The following FIG4 variants were observed in gnomAD, a reference collection of about 807,000 sequenced individuals.
The protein encoded by FIG4 is polyphosphoinositide phosphatase.
In FIG4, 112 loss-of-function variants were observed where a neutral mutation model predicts 118.6. The ratio of observed to expected loss-of-function variants is 0.94; its 90% CI spans 0.81 to 1.11. FIG4 has a LOEUF of 1.11. FIG4 is among the 50% of genes least tolerant of loss of function. The probability of loss-of-function intolerance (pLI) is 0.00; values close to 1 mark genes in which losing one functional copy is unlikely to be tolerated. For synonymous variants in FIG4, 369 were observed against 381.2 expected, an observed-to-expected ratio of 0.97 and a Z score of 0.37; for missense variants, 969 against 1,111.7, an observed-to-expected ratio of 0.87 and a Z score of 1.83.
At chr6:109,796,428 G>A (rs1475386279) in intron 21 of FIG4, among the ~76,000 whole-genome samples, 1 of 152,178 alleles carries the variant, frequency 6.6e-6, no homozygotes, top group Admixed American at 6.5e-5. Flanking sequence ...ACCCTTAGAT[G>A]TGTGAGGCTC....
intron 1 of FIG4, among the ~76,000 whole-genome samples, chr6:109,698,177 C>T (rs1443823083): frequency 4.6e-5 from 7 of 151,442 alleles, no homozygotes; most frequent in Admixed American, 1.3e-4. Flanking sequence ...CTTGAGCCAC[C>T]GTGCCTGGCC....
intron 15 of FIG4, among the ~76,000 whole-genome samples, chr6:109,770,760 G>A (rs1437641643): frequency 6.6e-6 from 1 of 152,136 alleles, no homozygotes; most frequent in African/African-American, 2.4e-5. Flanking sequence ...CGCAAGGAGT[G>A]CATCAACCCA....
Position 109,776,909 on chromosome 6 carries a change from T to G in FIG4, c.1751-13T>G, listed in dbSNP as rs1354739212. On this transcript the variant is annotated splice_polypyrimidine_tract_variant and intron_variant, in intron 15 of 22. Coordinates refer to ENST00000230124, the MANE Select transcript of FIG4 (RefSeq NM_014845.6). ...AGTAATGGATTTTCTGAAATATATATTTTGCTTTTTAGATGCCGATAGACA... is the reference window on the plus strand; with the variant it reads ...AGTAATGGATTTTCTGAAATATATAGTTTGCTTTTTAGATGCCGATAGACA... The G allele has an allele frequency of 6.2e-7, 1 of 1,605,460 alleles. No homozygotes were observed. Among genetic ancestry groups the G allele is most frequent in the East Asian group, 2.2e-5 (1 of 44,748 alleles).
At chr6:109,702,995 T>A (rs1176383596) in intron 1 of FIG4, among the ~76,000 whole-genome samples, 1 of 152,168 alleles carries the variant, frequency 6.6e-6, no homozygotes. Context: ...TATGACAGTT[T>A]CCCTGTTTTC....
chr6:109,714,764 A>G (rs989020250), intron 1 of FIG4, among the ~76,000 whole-genome samples: 3 of 152,228 alleles, frequency 2.0e-5, no homozygotes, highest in Non-Finnish European at 4.4e-5. Flanking sequence ...TTCCTGGTAA[A>G]GCTTAAACAT....
chr6:109,787,359 C>T (rs72944969), intron 18 of FIG4, among the ~76,000 whole-genome samples: 10,770 of 151,958 alleles, frequency 0.071, 426 homozygotes, highest in South Asian at 0.15. Flanking sequence ...GTTTTGTTTC[C>T]TAGAAATCAC....
intron 22 of FIG4, among the ~76,000 whole-genome samples, chr6:109,815,822 C>T (rs1396996106): frequency 6.6e-6 from 1 of 151,206 alleles, no homozygotes; most frequent in Non-Finnish European, 1.5e-5. Flanking sequence ...ACAATAAAAA[C>T]AGGGAGCAAC....
At chr6:109,740,825 A>G (rs1378508846) in intron 7 of FIG4, among the ~76,000 whole-genome samples, 2 of 152,154 alleles carry the variant, frequency 1.3e-5, no homozygotes, top group African/African-American at 2.4e-5. Context: ...AAGAGGTTTA[A>G]TTGACTGTAG....
chr6:109,733,385 G>A (rs562029272), intron 5 of FIG4, among the ~76,000 whole-genome samples: 30 of 152,122 alleles, frequency 2.0e-4, no homozygotes, highest in African/African-American at 7.2e-4. Flanking sequence ...CCTGATAGAT[G>A]CAATTATTGT....
chr6:109,726,383 C>T (rs1775815698), intron 3 of FIG4, among the ~76,000 whole-genome samples: 1 of 152,130 alleles, frequency 6.6e-6, no homozygotes, highest in African/African-American at 2.4e-5. Flanking sequence ...TTGTTTTTGT[C>T]AGGTTTGTCA....
intron 1 of FIG4, among the ~76,000 whole-genome samples, chr6:109,702,732 T>C (rs1409506667): frequency 6.6e-6 from 1 of 152,174 alleles, no homozygotes; most frequent in Non-Finnish European, 1.5e-5. Flanking sequence ...CCTTTGCTTC[T>C]TCAGACTCTG....
intron 10 of FIG4, among the ~76,000 whole-genome samples, chr6:109,744,107 G>T (rs1484803407): frequency 5.9e-5 from 9 of 152,098 alleles, no homozygotes; most frequent in Admixed American, 2.6e-4. Flanking sequence ...CTTGGAGAAA[G>T]AAGCATGAAA....
At chr6:109,708,492 G>A (rs548226542) in intron 1 of FIG4, among the ~76,000 whole-genome samples, 20 of 152,296 alleles carry the variant, frequency 1.3e-4, no homozygotes, top group South Asian at 6.2e-4. Flanking sequence ...CCAGTAATGG[G>A]ATTGCTGGGC....
intron 7 of FIG4, 69 bp downstream of exon 7, chr6:109,738,522 A>G (rs111736357): frequency 7.1e-7 from 1 of 1,404,370 alleles, no homozygotes; most frequent in African/African-American, 1.4e-5. Context: ...GTAGACAGCT[A>G]CATATGAATT....
intron 10 of FIG4, among the ~76,000 whole-genome samples, chr6:109,753,189 G>T (rs955722394): frequency 6.6e-6 from 1 of 152,014 alleles, no homozygotes; most frequent in African/African-American, 2.4e-5. Context: ...TACTAACCAG[G>T]CCCGACCCTG....
intron 4 of FIG4, among the ~76,000 whole-genome samples, chr6:109,730,850 A>G (rs913297160): frequency 1.3e-5 from 2 of 152,224 alleles, no homozygotes; most frequent in African/African-American, 4.8e-5. Flanking sequence ...CAAACAAAAT[A>G]CAAAATGCAT....
intron 15 of FIG4, among the ~76,000 whole-genome samples, chr6:109,776,687 G>A (rs941800434): frequency 1.5e-4 from 23 of 152,182 alleles, no homozygotes; most frequent in African/African-American, 5.1e-4. Flanking sequence ...GTTTATGTTC[G>A]CTATCATCTG....
chr6:109,714,722 A>G (rs1180614689), intron 1 of FIG4, among the ~76,000 whole-genome samples: 2 of 152,318 alleles, frequency 1.3e-5, no homozygotes, highest in East Asian at 1.9e-4. Flanking sequence ...TCCTAATTAT[A>G]TGTTGAGCTT....
chr6:109,802,753 G>T (rs1055736759), intron 22 of FIG4, among the ~76,000 whole-genome samples: 1 of 152,182 alleles, frequency 6.6e-6, no homozygotes, highest in Non-Finnish European at 1.5e-5. Flanking sequence ...GGAGTAAGTG[G>T]TTTCTGTGAT....
Sources: gnomAD v4.1 joint callset for allele counts (sites outside exome capture counted in the v4.1 genomes callset) on GRCh38, gnomAD v4.1.1 for gene constraint, MANE v1.5 for transcripts, NCBI Gene and HGNC (gene_info 2026-07-23, HGNC 2026-07-21) for gene names.